NDST1: variants seen among roughly 807,000 people sequenced by gnomAD.
The protein encoded by NDST1 is N-deacetylase and N-sulfotransferase 1, also known as bifunctional heparan sulfate N-deacetylase/N-sulfotransferase 1.
A neutral mutation model predicts 92.8 loss-of-function variants in NDST1; 35 were observed. That is an observed-to-expected ratio of 0.38 (90% confidence interval 0.29 to 0.50). The LOEUF is 0.50. Among genes scored for constraint, NDST1 ranks in the 20% least tolerant of loss-of-function variants. NDST1 has a pLI of 0.94. For synonymous variants in NDST1, 493 were observed against 500.3 expected, an observed-to-expected ratio of 0.99 and a Z score of 0.19; for missense variants, 822 against 1,182.7, an observed-to-expected ratio of 0.69 and a Z score of 4.47.
upstream of NDST1, among the ~76,000 whole-genome samples, chr5:150,505,929 T>A (rs1753433908): frequency 6.6e-6 from 1 of 152,046 alleles, no homozygotes; most frequent in Admixed American, 6.6e-5. Context: ...TACAGGCTCG[T>A]GTCACCATGC....
At chr5:150,533,166 C>T in intron 4 of NDST1, 134 bp downstream of exon 4, 2 of 865,896 alleles carry the variant, frequency 2.3e-6, no homozygotes, top group Non-Finnish European at 3.8e-6. Context: ...CCCCTCTGCC[C>T]CCGTGGAGCC....
chr5:150,533,843 G>T (rs2151286688), intron 4 of NDST1, among the ~76,000 whole-genome samples: 1 of 152,176 alleles, frequency 6.6e-6, no homozygotes, highest in South Asian at 2.1e-4. Flanking sequence ...AGCACTTTGG[G>T]AGGGTGAGGT....
rs1755827781 is a variant in NDST1 at position 150,554,355 on chromosome 5, A to ATG, written c.*1024_*1025insGT. ...CTGTGTTATATATATATATATATAT[A>ATG]TATAATGTGTATATATATATATTCT... On this transcript the variant is annotated 3_prime_UTR_variant, in exon 15 of 15. Transcript: ENST00000261797. 6.2e-6 allele frequency: 1 copy of ATG among 161,998 alleles called. No individual in the cohort carries two copies. Among genetic ancestry groups the ATG allele is most frequent in the Non-Finnish European group, 1.3e-5 (1 of 78,378 alleles). 10.0% of individuals were successfully genotyped at this position (161,998 alleles called of 1,614,324 possible). A position where few individuals can be genotyped will look rare whatever the true frequency, so the allele number is the denominator to read the frequency against.
chr5:150,500,745 G>A (rs1205254492), intron 1 of NDST1, among the ~76,000 whole-genome samples: 1 of 152,268 alleles, frequency 6.6e-6, no homozygotes, highest in Non-Finnish European at 1.5e-5. Flanking sequence ...CTGCTGTGTG[G>A]TCCTGTGGCA....
At chr5:150,500,685 A>G (rs1002911267) in intron 1 of NDST1, among the ~76,000 whole-genome samples, 13 of 152,240 alleles carry the variant, frequency 8.5e-5, no homozygotes, top group African/African-American at 2.9e-4. Context: ...CCCACAGGGA[A>G]AGCCTGGCCT....
Position 150,540,173 on chromosome 5 carries a change from G to A in NDST1, c.1658G>A (p.Trp553Ter). 6.2e-7 allele frequency: 1 copy of A among 1,614,194 alleles called. No individual in the cohort carries two copies. The highest frequency in any genetic ancestry group is 1.3e-5 in the African/African-American group (1 of 75,044). ...CACCTGGTGCGCTTCCTGCACTCCT[G>A]GACGAACCTCCGGCTGCAGACACTG... ...FKHLVRFLHS[W>*]TNLRLQTLPP... Residue 553 changes from tryptophan to a stop codon, truncating the protein, a stop_gained, in exon 8 of 15, where the codon TGG becomes TAG. Transcript: ENST00000261797. LOFTEE classifies it high-confidence loss of function.
upstream of NDST1, among the ~76,000 whole-genome samples, chr5:150,506,455 T>C (rs999636314): frequency 4.6e-5 from 7 of 152,162 alleles, no homozygotes; most frequent in African/African-American, 1.7e-4. Flanking sequence ...GGGCCTCACC[T>C]GAGCCTAGTC....
At chr5:150,530,663 A>G (rs1361565660) in intron 3 of NDST1, among the ~76,000 whole-genome samples, 2 of 151,038 alleles carry the variant, frequency 1.3e-5, no homozygotes, top group Non-Finnish European at 2.9e-5. Flanking sequence ...AGCACAAGCA[A>G]TCCTCCCACC....
chr5:150,515,912 G>A (rs1344826375), intron 1 of NDST1, among the ~76,000 whole-genome samples: 1 of 152,140 alleles, frequency 6.6e-6, no homozygotes, highest in Middle Eastern at 3.2e-3. Flanking sequence ...AGCCCCCTTT[G>A]CCAGCCGGCT....
intron 11 of NDST1, among the ~76,000 whole-genome samples, chr5:150,547,770 C>T (rs1260227667): frequency 6.6e-6 from 1 of 152,206 alleles, no homozygotes. Flanking sequence ...ACTGCAACCT[C>T]CACCCCCCGA....
At chr5:150,507,153 G>T (rs1434439684), upstream of NDST1, among the ~76,000 whole-genome samples, 1 of 152,180 alleles carries the variant, frequency 6.6e-6, no homozygotes, top group African/African-American at 2.4e-5. Flanking sequence ...CCTGGAAGGG[G>T]CTCCTAGGAT....
chr5:150,539,764 T>C, intron 7 of NDST1: 3 of 985,394 alleles, frequency 3.0e-6, no homozygotes, highest in Non-Finnish European at 3.6e-6. Context: ...AAGTGGTGGT[T>C]GTTATTCAGC....
chr5:150,543,366 G>A (rs1480290465), intron 10 of NDST1, among the ~76,000 whole-genome samples: 1 of 152,120 alleles, frequency 6.6e-6, no homozygotes, highest in African/African-American at 2.4e-5. Context: ...GGGCCCTTCA[G>A]GGACAGGTCG....
At chr5:150,541,234 A>G (rs1755233619) in intron 8 of NDST1, among the ~76,000 whole-genome samples, 1 of 152,246 alleles carries the variant, frequency 6.6e-6, no homozygotes, top group African/African-American at 2.4e-5. Flanking sequence ...TAAAATATTT[A>G]CTAAACACTT....
At chr5:150,526,644 G>A (rs1309210095) in intron 2 of NDST1, among the ~76,000 whole-genome samples, 3 of 152,200 alleles carry the variant, frequency 2.0e-5, no homozygotes, top group Admixed American at 1.3e-4. Context: ...TGCAGCTGAG[G>A]TGAGAAATGC....
intron 10 of NDST1, among the ~76,000 whole-genome samples, chr5:150,544,819 A>T (rs1581404722): frequency 6.6e-6 from 1 of 152,206 alleles, no homozygotes; most frequent in East Asian, 1.9e-4. Context: ...CCTGGTCCAC[A>T]GTGACGGCCT....
intron 1 of NDST1, 135 bp from the exon 2 acceptor site, chr5:150,520,733 T>A: frequency 2.6e-6 from 1 of 389,670 alleles, no homozygotes; most frequent in Non-Finnish European, 4.5e-6. Flanking sequence ...TTAAAGAGCT[T>A]GCTCCAAATC....
chr5:150,533,869 G>A (rs1367593434), intron 4 of NDST1, among the ~76,000 whole-genome samples: 2 of 151,880 alleles, frequency 1.3e-5, no homozygotes, highest in Admixed American at 6.6e-5. Flanking sequence ...TATTATTTGA[G>A]GTCAGGAGTT....
At position 150,556,848 on chromosome 5, in the gene NDST1, T is replaced by G. The variant is rs999422534; in HGVS notation, c.*3516T>G. On this transcript the variant is annotated 3_prime_UTR_variant, in exon 15 of 15. Transcript: ENST00000261797. ...TTTTGGAATCAGCATCCAGTCACGG[T>G]GCACACATTGCATTTTCTAACTATG... 6.5e-6 allele frequency: 1 copy of G among 152,698 alleles called. No homozygotes were observed. Among genetic ancestry groups the G allele is most frequent in the Non-Finnish European group, 1.5e-5 (1 of 68,056 alleles). 9.5% of individuals were successfully genotyped at this position (152,698 alleles called of 1,614,324 possible).
Sources: allele counts gnomAD v4.1 joint callset (sites outside exome capture counted in the v4.1 genomes callset), GRCh38; gene constraint gnomAD v4.1.1; transcripts MANE v1.5; gene names NCBI Gene and HGNC (gene_info 2026-07-23, HGNC 2026-07-21).